The following CYP2W1 variants were observed in gnomAD, a reference collection of about 807,000 sequenced individuals.
The protein encoded by CYP2W1 is cytochrome P450 2W1.
Under a neutral mutation model 44.9 loss-of-function variants are expected in CYP2W1, and 51 were observed. That is an observed-to-expected ratio of 1.14 (90% CI 0.91 to 1.43). CYP2W1 has a LOEUF of 1.43. CYP2W1 is among the 40% of genes most tolerant of loss of function. The probability of loss-of-function intolerance (pLI) is 0.00; values close to 1 mark genes in which losing one functional copy is unlikely to be tolerated. For missense variants in CYP2W1, 746 were observed against 700.0 expected (o/e 1.07, Z -0.74); for synonymous variants, 383 against 338.3 (o/e 1.13, Z -1.45).
Position 983,316 on chromosome 7 carries a change from T to C in CYP2W1, c.105T>C (p.Pro35=), listed in dbSNP as rs1439084566. The change falls in exon 1 of 9, where the codon CCT becomes CCC. Residue 35 remains proline, a synonymous_variant. Coordinates refer to ENST00000308919, the MANE Select transcript of CYP2W1 (RefSeq NM_017781.3). ...CAGCTGCCCGGTGGCCCCCGGGGCC[T>C]CGCCCGCTGCCGCTCGTCGGGAACC... ...PSPAARWPPG[P]RPLPLVGNLH... is the part of the protein sequence containing the mutation. 2 of 1,540,454 alleles carry C rather than the reference T, an allele frequency of 1.3e-6. No homozygotes were observed. Among genetic ancestry groups the C allele is most frequent in the South Asian group, 2.4e-5 (2 of 83,528 alleles).
intron 2 of CYP2W1, 56 bp downstream of exon 2, chr7:984,630 A>G: frequency 6.6e-7 from 1 of 1,515,776 alleles, no homozygotes; most frequent in Non-Finnish European, 8.8e-7. Flanking sequence ...CCTGGACCCC[A>G]GGAGGGGTGG....
Position 987,337 on chromosome 7 carries a change from T to G in CYP2W1, c.959-10T>G. ...GCGCTGCCACCCAAGCGGCCCACCC[T>G]TTGCCCCAGGCCGGGTGCAGGAGGA... On this transcript the variant is annotated splice_polypyrimidine_tract_variant and intron_variant, in intron 6 of 8. Transcript: ENST00000308919. 1 of 1,568,002 alleles carries G rather than the reference T, an allele frequency of 6.4e-7. No individual in the cohort carries two copies. The highest frequency in any genetic ancestry group is 1.1e-5 in the South Asian group (1 of 87,776).
chr7:988,652 G>A lies in CYP2W1; in HGVS notation c.1303G>A (p.Gly435Arg), dbSNP rs1583244963. The A allele has an allele frequency of 1.2e-6, 2 of 1,601,684 alleles. No individual in the cohort carries two copies. Among genetic ancestry groups the A allele is most frequent in the Non-Finnish European group, 1.7e-6 (2 of 1,179,282 alleles). ...PFSAGRRVCV[G>R]ERLARTELFL... ...CCCCGCAGGCCGCCGCGTCTGTGTT[G>A]GGGAGCGCCTGGCCAGGACCGAGCT... The change falls in exon 9 of 9, where the codon GGG becomes AGG. Residue 435 changes from glycine to arginine, a missense_variant. Gly to Arg is a moderately radical substitution (Grantham distance 125, BLOSUM62 -2). Transcript: ENST00000308919.
intron 4 of CYP2W1, chr7:986,301 CTCTG>C (rs1391404577): frequency 5.5e-6 from 2 of 363,126 alleles, no homozygotes; most frequent in Non-Finnish European, 1.0e-5. Context: ...CTGAGGTCTG[CTCTG>C]TCTTCCATTC....
In CYP2W1 at chr7:986,571, C is replaced by T. The variant is rs184035308; in HGVS notation, c.646-53C>T. 4.3e-4 allele frequency: 687 copies of T among 1,584,216 alleles called. 1 individual carries two copies. Among genetic ancestry groups the T allele is most frequent in the South Asian group, 5.2e-4 (46 of 88,926 alleles). ...CTGGGGACGATCACCGCCTGCCCAGCGTGCAGCCCTGGGGCTGCGTCCTTA... is the reference window on the plus strand; with the variant it reads ...CTGGGGACGATCACCGCCTGCCCAGTGTGCAGCCCTGGGGCTGCGTCCTTA... On this transcript the variant is annotated intron_variant, in intron 4 of 8. Coordinates refer to ENST00000308919, the MANE Select transcript of CYP2W1 (RefSeq NM_017781.3).
rs1370173243 is a variant in CYP2W1 at position 986,695 on chromosome 7, G to C, written c.717G>C (p.Glu239Asp). Residue 239 changes from glutamate to aspartate, a missense_variant, in exon 5 of 9, where the codon GAG (glutamate) becomes GAC (aspartate). Physicochemically the swap from Glu to Asp is conservative, Grantham distance 45. Transcript: ENST00000308919. ...GGCCCGTCCTGCGCAAGATCGAGGA[G>C]GTCCGTGCCATTCTGAGGACCCTCC... ...LHRPVLRKIE[E>D]VRAILRTLLE... 1.2e-6 allele frequency: 2 copies of C among 1,612,470 alleles called. No homozygotes were observed. Among genetic ancestry groups the C allele is most frequent in the Admixed American group, 3.3e-5 (2 of 59,970 alleles).
rs1328869425 is a variant in CYP2W1, at chr7:988,797, C to A, written c.1448C>A (p.Ala483Asp). 2.5e-6 allele frequency: 4 copies of A among 1,590,480 alleles called. No homozygotes were observed. The highest frequency in any genetic ancestry group is 3.4e-6 in the Non-Finnish European group (4 of 1,174,962). The stretch of plus-strand genomic sequence containing the variant: ...TTTACCATGAGGCCGAGGGCCCAGG[C>A]CCTGTGTGCGGTGCCCAGGCCCTAG... The part of the protein sequence containing the change: ...RAFTMRPRAQ[A>D]LCAVPRP Residue 483 changes from alanine (A) to aspartate (D), a missense_variant, in exon 9 of 9, where the codon GCC becomes GAC. By Grantham distance (126) the Ala-to-Asp change is moderately radical (BLOSUM62 -2). Transcript: ENST00000308919.
rs749854305 is a variant in CYP2W1 at position 984,574 on chromosome 7, G to A, written c.337G>A (p.Gly113Ser). ...CTTCCAGCTCATCCAGCGAGGTGGA[G>A]GTCGGTGTGTGGCCGGCGCTACGGG... The part of the protein sequence containing the change: ...AIFQLIQRGG[G>S]IFFSSGARWR... The change falls in exon 2 of 9, where the codon GGC (glycine) becomes AGC (serine). Residue 113 changes from glycine to serine, a missense_variant and splice_region_variant. Physicochemically the swap from Gly to Ser is moderately conservative, Grantham distance 56. Coordinates refer to ENST00000308919, the MANE Select transcript of CYP2W1 (RefSeq NM_017781.3). 1.3e-6 allele frequency: 2 copies of A among 1,561,198 alleles called. No individual in the cohort carries two copies. The highest frequency in any genetic ancestry group is 3.7e-5 in the Admixed American group (2 of 53,836).
At chr7:987,937 G>GC (rs1396625401) in intron 7 of CYP2W1, among the ~76,000 whole-genome samples, 11 of 149,310 alleles carry the variant, frequency 7.4e-5, no homozygotes, top group African/African-American at 2.5e-4. Context: ...GTGTCCTGGG[G>GC]GGGTCCCCTG....
chr7:984,346 C>A, intron 1 of CYP2W1, 66 bp from the exon 2 acceptor site: 1 of 1,478,658 alleles, frequency 6.8e-7, no homozygotes. Context: ...CAGGCCCGGC[C>A]TGAGGGGACC....
At position 989,132 on chromosome 7, in the gene CYP2W1, C is replaced by A; in HGVS notation, c.*310C>A. The A allele has an allele frequency of 2.6e-6, 1 of 391,688 alleles. No individual in the cohort carries two copies. Among genetic ancestry groups the A allele is most frequent in the Admixed American group, 4.0e-5 (1 of 24,986 alleles). 24.3% of individuals were successfully genotyped at this position (391,688 alleles called of 1,614,324 possible). On this transcript the variant is annotated 3_prime_UTR_variant, in exon 9 of 9. Transcript: ENST00000308919. The stretch of plus-strand genomic sequence containing the variant: ...GCACTCCCACCCACCTAGCTCCCCC[C>A]AGGGCCCCCCAGCACCTACAGCTGG...
Position 987,143 on chromosome 7 carries a change from G to A in CYP2W1, c.856G>A (p.Ala286Thr), listed in dbSNP as rs556515220. Reference protein sequence around the residue: ...DPEGLFAEANAVACTLDMVMA... With the variant: ...DPEGLFAEANTVACTLDMVMA... ...CGAGGGCCTGTTTGCTGAGGCCAAC[G>A]CGGTGGCCTGCACCCTGGACATGGT... Residue 286 changes from alanine (A) to threonine (T), a missense_variant, in exon 6 of 9, where the codon GCG becomes ACG. Transcript: ENST00000308919. The A allele has an allele frequency of 8.3e-6, 13 of 1,573,292 alleles. No individual in the cohort carries two copies. Among genetic ancestry groups the A allele is most frequent in the East Asian group, 7.0e-5 (3 of 42,648 alleles).
chr7:985,924 G>A (rs746515854), intron 4 of CYP2W1, among the ~76,000 whole-genome samples: 2 of 152,082 alleles, frequency 1.3e-5, no homozygotes, highest in Non-Finnish European at 2.9e-5. Flanking sequence ...AGCAGCGGTG[G>A]GTTCACAAGC....
At chr7:985,353 G>C in intron 4 of CYP2W1, 30 bp downstream of exon 4, 2 of 1,545,198 alleles carry the variant, frequency 1.3e-6, no homozygotes, top group Non-Finnish European at 8.7e-7. Flanking sequence ...CCTTGGGGTG[G>C]GGTGGAGCCT....
In CYP2W1 at chr7:987,127, G is replaced by C. The variant is rs774174678; in HGVS notation, c.840G>C (p.Leu280=). The C allele has an allele frequency of 3.8e-5, 59 of 1,566,042 alleles. No homozygotes were observed. The highest frequency in any genetic ancestry group is 4.9e-5 in the Non-Finnish European group (57 of 1,154,386). ...QQGQGDDPEG[L]FAEANAVACT... is the part of the protein sequence containing the mutation. ...TGCAGGGGGATGACCCCGAGGGCCT[G>C]TTTGCTGAGGCCAACGCGGTGGCCT... Residue 280 remains leucine, a synonymous_variant, in exon 6 of 9, where the codon CTG becomes CTC. Coordinates refer to ENST00000308919, the MANE Select transcript of CYP2W1 (RefSeq NM_017781.3).
At position 987,085 on chromosome 7, in the gene CYP2W1, G is replaced by T. The variant is rs754355918; in HGVS notation, c.820-22G>T. The T allele has an allele frequency of 4.0e-6, 6 of 1,500,998 alleles. No homozygotes were observed. The African/African-American group carries it at 5.6e-5, about 14-fold the overall frequency. The allele number at this position is 1,500,998 out of a possible 1,614,324, so 93.0% of individuals were successfully genotyped here. Reference sequence around the variant, plus strand: ...GGACAGACCCCAGATCATCCCACGAGCCCTGCCCCACGCCTCTGCAGGGGG... The same window carrying T: ...GGACAGACCCCAGATCATCCCACGATCCCTGCCCCACGCCTCTGCAGGGGG... On this transcript the variant is annotated intron_variant, in intron 5 of 8. Coordinates refer to ENST00000308919, the MANE Select transcript of CYP2W1 (RefSeq NM_017781.3).
At chr7:986,128 G>A (rs946704119) in intron 4 of CYP2W1, among the ~76,000 whole-genome samples, 10 of 152,132 alleles carry the variant, frequency 6.6e-5, no homozygotes, top group East Asian at 3.9e-4. Flanking sequence ...CAGAGACGCC[G>A]CGTGGAACTC....
rs1009459818 is a variant in CYP2W1 at position 989,087 on chromosome 7, A to T, written c.*265A>T. ...CAGGAGCGCCTCCAGGGCCCCGCCC[A>T]CTCTCCCACCCCTGAAGCTGCACTC... On this transcript the variant is annotated 3_prime_UTR_variant, in exon 9 of 9. Transcript: ENST00000308919. 7.1e-6 allele frequency: 3 copies of T among 421,174 alleles called. No individual in the cohort carries two copies. Among genetic ancestry groups the T allele is most frequent in the Non-Finnish European group, 1.2e-5 (3 of 241,436 alleles). 26.1% of individuals were successfully genotyped at this position (421,174 alleles called of 1,614,324 possible).
chr7:985,203 C>T lies in CYP2W1; in HGVS notation c.525C>T (p.Pro175=). The T allele has an allele frequency of 6.4e-7, 1 of 1,564,596 alleles. No individual in the cohort carries two copies. The stretch of plus-strand genomic sequence containing the variant: ...CGCTGGCCCTACTGGGCTGGGCTCC[C>T]TCCAATATCACCTTCGCGCTCCTCT... ...PFPLALLGWA[P]SNITFALLFG... The change falls in exon 4 of 9, where the codon CCC becomes CCT. Residue 175 remains proline (P), a synonymous_variant. Coordinates refer to ENST00000308919, the MANE Select transcript of CYP2W1 (RefSeq NM_017781.3).
Sources: allele counts gnomAD v4.1 joint callset (sites outside exome capture counted in the v4.1 genomes callset), GRCh38; gene constraint gnomAD v4.1.1; transcripts MANE v1.5; gene names NCBI Gene and HGNC (gene_info 2026-07-23, HGNC 2026-07-21).